Variants in TPO observed in about 807,000 individuals in gnomAD.
The protein encoded by TPO is thyroid microsomal antigen.
A neutral mutation model predicts 96.9 loss-of-function variants in TPO; 78 were observed. The ratio of observed to expected loss-of-function variants is 0.81; its 90% confidence interval spans 0.67 to 0.97. The LOEUF (loss-of-function observed/expected upper bound fraction) is 0.97. TPO is among the 50% of genes least tolerant of loss of function. The probability of loss-of-function intolerance (pLI) is 0.00; values close to 1 mark genes in which losing one functional copy is unlikely to be tolerated. For synonymous variants in TPO, 547 were observed against 538.0 expected, an observed-to-expected ratio of 1.02 and a Z score of -0.23; for missense variants, 1,252 against 1,274.8, an observed-to-expected ratio of 0.98 and a Z score of 0.27.
At chr2:1,507,386 T>A (rs2125024288) in intron 14 of TPO, among the ~76,000 whole-genome samples, 1 of 152,342 alleles carries the variant, frequency 6.6e-6, no homozygotes, top group East Asian at 1.9e-4. Flanking sequence ...TGGTTCCATA[T>A]GAACTTTAAA....
chr2:1,487,842 G>A lies in TPO; in HGVS notation c.1619G>A (p.Arg540Gln), dbSNP rs773199132. ...CCAGGTGGTTTGGACCCACTAATAC[G>A]AGGCCTTCTTGCAAGACCAGCCAAA... Reference protein sequence around the residue: ...LRGGGLDPLIRGLLARPAKLQ... With the variant: ...LRGGGLDPLIQGLLARPAKLQ... Residue 540 changes from arginine (R) to glutamine (Q), a missense_variant, in exon 10 of 17, where the codon CGA (arginine) becomes CAA (glutamine). Coordinates refer to ENST00000329066, the MANE Select transcript of TPO (RefSeq NM_001206744.2). 70 of 1,614,070 alleles carry A rather than the reference G, an allele frequency of 4.3e-5. No homozygotes were observed. Among genetic ancestry groups the A allele is most frequent in the Non-Finnish European group, 5.4e-5 (64 of 1,180,054 alleles).
chr2:1,520,906 TTGTC>T (rs1364723714), intron 15 of TPO, among the ~76,000 whole-genome samples: 2 of 152,208 alleles, frequency 1.3e-5, no homozygotes, highest in Admixed American at 6.5e-5. Flanking sequence ...CATGAAGACT[TTGTC>T]TGTCTGTTGA....
intron 4 of TPO, among the ~76,000 whole-genome samples, chr2:1,435,194 A>G (rs992211105): frequency 2.0e-5 from 3 of 152,120 alleles, no homozygotes; most frequent in Non-Finnish European, 4.4e-5. Flanking sequence ...TGGCCTCCCA[A>G]AGTGCTGGGA....
intron 7 of TPO, among the ~76,000 whole-genome samples, chr2:1,466,900 T>C (rs1341256322): frequency 2.0e-5 from 3 of 152,164 alleles, no homozygotes; most frequent in Non-Finnish European, 4.4e-5. Flanking sequence ...TGCTCTGATC[T>C]TGGTTATTTC....
chr2:1,475,651 C>T (rs1373887799), intron 7 of TPO, among the ~76,000 whole-genome samples: 1 of 152,148 alleles, frequency 6.6e-6, no homozygotes, highest in Non-Finnish European at 1.5e-5. Context: ...TCTCGATCTC[C>T]TGACCTCGTG....
chr2:1,515,438 C>T (rs756754717), intron 14 of TPO, among the ~76,000 whole-genome samples: 76 of 152,282 alleles, frequency 5.0e-4, no homozygotes, highest in Non-Finnish European at 3.7e-4. Context: ...TAGAGGAGCC[C>T]AGGAGGAAAA....
chr2:1,413,229 AT>A (rs1466520346), upstream of TPO, among the ~76,000 whole-genome samples: 3 of 152,002 alleles, frequency 2.0e-5, no homozygotes, highest in African/African-American at 7.3e-5. Context: ...TCCCTGTATA[AT>A]TTTTCCCCTC....
At chr2:1,391,050 C>T (rs1256042093) in intron 1 of TPO, among the ~76,000 whole-genome samples, 2 of 152,152 alleles carry the variant, frequency 1.3e-5, no homozygotes, top group Admixed American at 6.5e-5. Context: ...TCCCATTTGT[C>T]AATTTTGGCT....
upstream of TPO, among the ~76,000 whole-genome samples, chr2:1,411,957 G>A (rs545837431): frequency 7.4e-4 from 112 of 152,274 alleles, no homozygotes; most frequent in African/African-American, 2.6e-3. Flanking sequence ...CTAGACGCTG[G>A]TGCTCTGAGC....
upstream of TPO, among the ~76,000 whole-genome samples, chr2:1,411,153 C>T (rs1228236550): frequency 3.3e-5 from 5 of 152,148 alleles, no homozygotes; most frequent in Non-Finnish European, 7.3e-5. Context: ...TTCTCCGCTC[C>T]CCTCTCAACA....
chr2:1,469,333 G>A (rs1669172544), intron 7 of TPO, among the ~76,000 whole-genome samples: 2 of 152,140 alleles, frequency 1.3e-5, no homozygotes, highest in Admixed American at 6.5e-5. Flanking sequence ...CATTTGGGTA[G>A]TCTCTGTCAG....
At chr2:1,446,903 T>C (rs1666877264) in intron 5 of TPO, among the ~76,000 whole-genome samples, 1 of 152,378 alleles carries the variant, frequency 6.6e-6, no homozygotes, top group African/African-American at 2.4e-5. Context: ...GCTGAAAATG[T>C]TATTGTTTTA....
Position 1,531,246 on chromosome 2 carries a change from AT to A in TPO, c.2619-9347del, listed in dbSNP as rs1480446746. 8.7e-3 allele frequency among the ~76,000 whole-genome samples: 773 copies of A among 89,242 alleles called. 2 individuals are homozygous for A. The highest frequency in any genetic ancestry group is 0.011 in the African/African-American group (241 of 21,602). The allele number at this position is 89,242 out of a possible 152,430, so 58.5% of individuals were successfully genotyped here. A position where few individuals can be genotyped will look rare whatever the true frequency, so the allele number is the denominator to read the frequency against. On this transcript the variant is annotated intron_variant, in intron 15 of 16. Coordinates refer to ENST00000329066, the MANE Select transcript of TPO (RefSeq NM_001206744.2). ...CGCCCCCACTGTGTGCAACCGCCTC[AT>A]ATTCCCCCCACTGTGTGGACCCTTC...
intron 6 of TPO, among the ~76,000 whole-genome samples, chr2:1,455,807 A>G (rs1307276276): frequency 6.6e-6 from 1 of 152,174 alleles, no homozygotes; most frequent in African/African-American, 2.4e-5. Flanking sequence ...CAACCTTTCC[A>G]TATTAACTTA....
intron 7 of TPO, among the ~76,000 whole-genome samples, chr2:1,461,909 C>G (rs973716103): frequency 6.6e-6 from 1 of 152,180 alleles, no homozygotes; most frequent in Non-Finnish European, 1.5e-5. Flanking sequence ...TGGAGACCCC[C>G]GCAGAGGTTC....
At chr2:1,469,459 G>A (rs1183188320) in intron 7 of TPO, among the ~76,000 whole-genome samples, 1 of 152,126 alleles carries the variant, frequency 6.6e-6, no homozygotes, top group South Asian at 2.1e-4. Flanking sequence ...GAGAGCTAAG[G>A]TGTAGTTATT....
At chr2:1,429,060 A>G (rs183046185) in intron 3 of TPO, among the ~76,000 whole-genome samples, 11 of 152,338 alleles carry the variant, frequency 7.2e-5, no homozygotes, top group African/African-American at 2.6e-4. Context: ...TTATATTTTA[A>G]GTTAAATGTC....
intron 8 of TPO, among the ~76,000 whole-genome samples, chr2:1,479,891 C>G (rs1368679747): frequency 1.3e-5 from 2 of 152,128 alleles, no homozygotes; most frequent in Non-Finnish European, 2.9e-5. Flanking sequence ...AAGCGATTCT[C>G]CTGCCTCAGC....
At chr2:1,456,346 G>T in intron 7 of TPO, 64 bp downstream of exon 7, 1 of 1,542,018 alleles carries the variant, frequency 6.5e-7, no homozygotes, top group Non-Finnish European at 8.9e-7. Flanking sequence ...ACGTCAAACA[G>T]AATGGTATAA....
Sources: allele counts gnomAD v4.1 joint callset (sites outside exome capture counted in the v4.1 genomes callset), GRCh38; gene constraint gnomAD v4.1.1; transcripts MANE v1.5; gene names NCBI Gene and HGNC (gene_info 2026-07-23, HGNC 2026-07-21).